The following PALM2AKAP2 variants were observed in gnomAD, a reference collection of about 807,000 sequenced individuals.
The protein encoded by PALM2AKAP2 is PALM2 and AKAP2 fusion.
PALM2AKAP2 carries 37 observed loss-of-function variants against 71.5 expected under a neutral mutation model. The ratio of observed to expected loss-of-function variants is 0.52; its 90% CI spans 0.40 to 0.68. PALM2AKAP2 has a LOEUF of 0.68. PALM2AKAP2 is among the 30% of genes least tolerant of loss of function. The pLI is 0.00. For synonymous variants in PALM2AKAP2, 468 were observed against 478.8 expected (o/e 0.98, Z 0.29); for missense variants, 1,224 against 1,191.8 (o/e 1.03, Z -0.40).
intron 1 of PALM2AKAP2, among the ~76,000 whole-genome samples, chr9:109,753,915 A>G (rs942744671): frequency 8.5e-5 from 13 of 152,328 alleles, no homozygotes; most frequent in Non-Finnish European, 1.8e-4. Context: ...AATACAGAAA[A>G]GACTAAAGAA....
intron 1 of PALM2AKAP2, among the ~76,000 whole-genome samples, chr9:109,727,471 C>T (rs1048195404): frequency 1.5e-5 from 1 of 65,586 alleles, no homozygotes; most frequent in Non-Finnish European, 3.3e-5. Context: ...CCATTAACAA[C>T]ATTAAAAAAT....
intron 1 of PALM2AKAP2, among the ~76,000 whole-genome samples, chr9:110,092,670 C>G (rs958127869): frequency 6.6e-6 from 1 of 152,002 alleles, no homozygotes; most frequent in Non-Finnish European, 1.5e-5. Flanking sequence ...GCTAATATCA[C>G]TGAAAGGTAA....
chr9:109,745,170 G>T (rs1204141277), intron 1 of PALM2AKAP2, among the ~76,000 whole-genome samples: 1 of 152,096 alleles, frequency 6.6e-6, no homozygotes, highest in Non-Finnish European at 1.5e-5. Context: ...CATGACCAGC[G>T]ATAGGTATGG....
At chr9:109,734,073 C>T (rs1324885872) in intron 1 of PALM2AKAP2, among the ~76,000 whole-genome samples, 3 of 152,160 alleles carry the variant, frequency 2.0e-5, no homozygotes, top group Non-Finnish European at 2.9e-5. Flanking sequence ...AAAGTAAGCC[C>T]GAGGGGGAGA....
chr9:109,697,238 G>C (rs959870064), intron 1 of PALM2AKAP2, among the ~76,000 whole-genome samples: 1 of 151,812 alleles, frequency 6.6e-6, no homozygotes. Flanking sequence ...TCTCAAAATA[G>C]AGTGAAAAAA....
At chr9:109,891,241 TAGAA>T (rs1830081027) in intron 3 of PALM2AKAP2, among the ~76,000 whole-genome samples, 1 of 152,176 alleles carries the variant, frequency 6.6e-6, no homozygotes, top group African/African-American at 2.4e-5. Flanking sequence ...AGGCAGCACT[TAGAA>T]AGCCACTGGC....
chr9:109,767,994 AGC>A (rs1829185220), intron 1 of PALM2AKAP2, among the ~76,000 whole-genome samples: 9 of 113,652 alleles, frequency 7.9e-5, no homozygotes, highest in African/African-American at 4.3e-4. Flanking sequence ...GGAAGGAGGG[AGC>A]AAAGGCAGGT....
chr9:109,937,361 C>T (rs770910017), intron 6 of PALM2AKAP2, among the ~76,000 whole-genome samples: 1 of 152,104 alleles, frequency 6.6e-6, no homozygotes, highest in Non-Finnish European at 1.5e-5. Context: ...TCCTTCAGGG[C>T]GTTTCCCTAT....
chr9:109,661,403 C>T (rs1827393636), intron 1 of PALM2AKAP2, among the ~76,000 whole-genome samples: 1 of 152,134 alleles, frequency 6.6e-6, no homozygotes, highest in African/African-American at 2.4e-5. Context: ...TTTCCCAGCA[C>T]CATTTATTTA....
intron 3 of PALM2AKAP2, among the ~76,000 whole-genome samples, chr9:109,887,931 T>C (rs1278960136): frequency 6.6e-6 from 1 of 152,166 alleles, no homozygotes; most frequent in African/African-American, 2.4e-5. Flanking sequence ...CTCCTCAACC[T>C]CCACACATGC....
chr9:109,936,434 A>G (rs1475081474), intron 6 of PALM2AKAP2, among the ~76,000 whole-genome samples: 1 of 152,308 alleles, frequency 6.6e-6, no homozygotes, highest in African/African-American at 2.4e-5. Flanking sequence ...CACAATAGCC[A>G]TTTTTACATT....
At chr9:109,767,376 A>C (rs1046279437) in intron 1 of PALM2AKAP2, among the ~76,000 whole-genome samples, 47 of 152,190 alleles carry the variant, frequency 3.1e-4, no homozygotes, top group Non-Finnish European at 8.8e-5. Flanking sequence ...GAGATGATGC[A>C]TTCACAGGTT....
intron 1 of PALM2AKAP2, among the ~76,000 whole-genome samples, chr9:109,809,129 C>T (rs1827660255): frequency 6.6e-6 from 1 of 152,302 alleles, no homozygotes; most frequent in East Asian, 1.9e-4. Context: ...ACACAGTGTC[C>T]CCACTAGGGC....
upstream of PALM2AKAP2, among the ~76,000 whole-genome samples, chr9:109,777,968 A>G (rs1177782351): frequency 6.6e-6 from 1 of 152,128 alleles, no homozygotes; most frequent in African/African-American, 2.4e-5. Context: ...AGATATTTCC[A>G]ACTGATCACT....
intron 1 of PALM2AKAP2, 197 bp from the exon 2 acceptor site, chr9:109,867,294 C>T: frequency 1.8e-6 from 1 of 544,978 alleles, no homozygotes; most frequent in Non-Finnish European, 3.3e-6. Flanking sequence ...CTCTTCGAGC[C>T]TACAGCAGAC....
At chr9:109,690,931 G>A (rs73657037) in intron 1 of PALM2AKAP2, among the ~76,000 whole-genome samples, 13,974 of 152,070 alleles carry the variant, frequency 0.092, 723 homozygotes, top group East Asian at 0.24. Context: ...TTCTCAGCAT[G>A]AGGAATGGAT....
intron 1 of PALM2AKAP2, among the ~76,000 whole-genome samples, chr9:109,785,776 T>C (rs369072383): frequency 1.8e-4 from 27 of 152,236 alleles, no homozygotes; most frequent in African/African-American, 6.5e-4. Flanking sequence ...AGATGAGATT[T>C]GGGTGGGGAC....
rs543793766 is a variant in PALM2AKAP2 at position 109,824,604 on chromosome 9, C to T, written c.46-42887C>T. Among the ~76,000 whole-genome samples, 25 of 152,334 alleles carry T rather than the reference C, an allele frequency of 1.6e-4. No individual in the cohort carries two copies. In the Middle Eastern group the frequency reaches 0.01, roughly 62 times the overall value. On this transcript the variant is annotated intron_variant, in intron 1 of 9. Transcript: ENST00000302798. Reference sequence around the variant, plus strand: ...ATCTTTGGGGCTGTAATATTCCCTACAGATGGACCCTTTGGTTAAGTCTCC... The same window carrying T: ...ATCTTTGGGGCTGTAATATTCCCTATAGATGGACCCTTTGGTTAAGTCTCC...
intron 1 of PALM2AKAP2, among the ~76,000 whole-genome samples, chr9:109,722,921 C>T (rs933294435): frequency 6.6e-6 from 1 of 152,200 alleles, no homozygotes; most frequent in Non-Finnish European, 1.5e-5. Flanking sequence ...CTCTGCCCAC[C>T]AAGCACCTCC....
Sources: gnomAD v4.1 joint callset for allele counts (sites outside exome capture counted in the v4.1 genomes callset) on GRCh38, gnomAD v4.1.1 for gene constraint, MANE v1.5 for transcripts, NCBI Gene and HGNC (gene_info 2026-07-23, HGNC 2026-07-21) for gene names.